Variants in GALNT17 observed in about 807,000 individuals in gnomAD.
GALNT17 encodes the protein UDP-GalNAc:polypeptide N-acetylgalactosaminyltransferase-like 3.
In GALNT17, 29 loss-of-function variants were observed where a neutral mutation model predicts 63.7. The observed-to-expected ratio is 0.46, with a 90% CI of 0.34 to 0.62. GALNT17 has a LOEUF of 0.62. Ranked by LOEUF, GALNT17 falls within the 20% of genes least tolerant of loss-of-function variation. GALNT17 has a pLI of 0.01. For synonymous variants in GALNT17, 305 were observed against 318.3 expected (o/e 0.96, Z 0.45); for missense variants, 603 against 799.6 (o/e 0.75, Z 2.97).
At chr7:71,349,907 G>A (rs1418450081) in intron 2 of GALNT17, among the ~76,000 whole-genome samples, 2 of 152,224 alleles carry the variant, frequency 1.3e-5, no homozygotes, top group Non-Finnish European at 2.9e-5. Flanking sequence ...TCATTGTGAT[G>A]AATGCAGCCC....
At chr7:71,530,390 G>A (rs535928270) in intron 5 of GALNT17, among the ~76,000 whole-genome samples, 28 of 152,232 alleles carry the variant, frequency 1.8e-4, no homozygotes, top group Non-Finnish European at 2.6e-4. Flanking sequence ...TTTAAAGGAC[G>A]AATGTTAGGA....
At chr7:71,321,544 G>A (rs1233284127) in intron 1 of GALNT17, among the ~76,000 whole-genome samples, 1 of 152,210 alleles carries the variant, frequency 6.6e-6, no homozygotes, top group Non-Finnish European at 1.5e-5. Context: ...CAGAGACCCT[G>A]TTCTAGATCT....
At position 71,500,707 on chromosome 7, in the gene GALNT17, C is replaced by A. The variant is rs1788166815; in HGVS notation, c.963-70578C>A. 2.6e-5 allele frequency among the ~76,000 whole-genome samples: 4 copies of A among 152,254 alleles called. No homozygotes were observed. In the South Asian group the frequency reaches 6.2e-4, roughly 24 times the overall value. ...TCTTTCTTCCAGGGCTCTTTCCTTT[C>A]ATCACTTTCCCCTTATCTTTTAGAT... On this transcript the variant is annotated intron_variant, in intron 5 of 10. Transcript: ENST00000333538.
chr7:71,307,068 C>T (rs548333370), intron 1 of GALNT17, among the ~76,000 whole-genome samples: 2 of 152,116 alleles, frequency 1.3e-5, no homozygotes, highest in Non-Finnish European at 2.9e-5. Flanking sequence ...AAGTGATCTG[C>T]CCACCTTGGC....
At position 71,524,278 on chromosome 7, in the gene GALNT17, TATC is replaced by T. The variant is rs1229641639; in HGVS notation, c.963-47004_963-47002del. Among the ~76,000 whole-genome samples the T allele has an allele frequency of 3.6e-3, 529 of 147,470 alleles. 2 individuals carry two copies. Among genetic ancestry groups the T allele is most frequent in the African/African-American group, 0.011 (441 of 40,308 alleles). ...TATTATATTATATATAATTATATAT[TATC>T]ATATTAGTATATTGATATTAACTAT... On this transcript the variant is annotated intron_variant, in intron 5 of 10. Coordinates refer to ENST00000333538, the MANE Select transcript of GALNT17 (RefSeq NM_022479.3).
At chr7:71,229,090 G>T (rs566550797) in intron 1 of GALNT17, among the ~76,000 whole-genome samples, 3 of 152,364 alleles carry the variant, frequency 2.0e-5, no homozygotes, top group African/African-American at 4.8e-5. Context: ...GCAGTATGCG[G>T]AAAGAGTCCT....
At chr7:71,168,676 C>T (rs547176156) in intron 1 of GALNT17, among the ~76,000 whole-genome samples, 1 of 150,366 alleles carries the variant, frequency 6.7e-6, no homozygotes, top group African/African-American at 2.5e-5. Context: ...AGCAAATTAA[C>T]ACATCCATCA....
chr7:71,328,630 C>T (rs1791745727), intron 1 of GALNT17, among the ~76,000 whole-genome samples: 1 of 149,692 alleles, frequency 6.7e-6, no homozygotes, highest in Non-Finnish European at 1.5e-5. Flanking sequence ...GCAAAATAAG[C>T]ACGTTAAAAT....
intron 1 of GALNT17, among the ~76,000 whole-genome samples, chr7:71,215,640 T>G (rs1296499483): frequency 1.3e-5 from 2 of 152,142 alleles, no homozygotes; most frequent in Non-Finnish European, 2.9e-5. Flanking sequence ...TGGAGTATTT[T>G]AAAGCAAATC....
intron 1 of GALNT17, among the ~76,000 whole-genome samples, chr7:71,250,451 T>C (rs1046483435): frequency 3.3e-5 from 5 of 151,662 alleles, no homozygotes; most frequent in Non-Finnish European, 5.9e-5. Context: ...TTTAAATATC[T>C]GTGTTTTTAC....
intron 1 of GALNT17, among the ~76,000 whole-genome samples, chr7:71,325,761 C>T (rs1427284561): frequency 6.6e-6 from 1 of 152,118 alleles, no homozygotes; most frequent in African/African-American, 2.4e-5. Flanking sequence ...CAGAGGATTT[C>T]TGGGTTCTGT....
chr7:71,626,114 C>T (rs1467854510), intron 6 of GALNT17, among the ~76,000 whole-genome samples: 1 of 151,908 alleles, frequency 6.6e-6, no homozygotes, highest in African/African-American at 2.4e-5. Flanking sequence ...TGTGGTGGCA[C>T]GTGCCTGTAG....
At chr7:71,513,210 A>T (rs1265853360) in intron 5 of GALNT17, among the ~76,000 whole-genome samples, 1 of 152,072 alleles carries the variant, frequency 6.6e-6, no homozygotes, top group Non-Finnish European at 1.5e-5. Flanking sequence ...TTTCATTTGC[A>T]GCTCTTTATT....
chr7:71,332,450 T>G (rs893025386), intron 1 of GALNT17, among the ~76,000 whole-genome samples: 1 of 152,176 alleles, frequency 6.6e-6, no homozygotes, highest in African/African-American at 2.4e-5. Context: ...TCTCCCTCTC[T>G]GAGAGCAGAC....
intron 2 of GALNT17, among the ~76,000 whole-genome samples, chr7:71,365,353 T>C (rs954676089): frequency 1.9e-4 from 29 of 152,216 alleles, no homozygotes; most frequent in Non-Finnish European, 3.4e-4. Context: ...AATTCTCCTG[T>C]TTCAGCCTCC....
chr7:71,601,110 C>A (rs1363307557), intron 6 of GALNT17, among the ~76,000 whole-genome samples: 3 of 151,760 alleles, frequency 2.0e-5, no homozygotes, highest in African/African-American at 7.3e-5. Flanking sequence ...TTTATGGCTG[C>A]GTAGTATTCC....
chr7:71,326,554 C>T (rs1198824195), intron 1 of GALNT17, among the ~76,000 whole-genome samples: 1 of 152,182 alleles, frequency 6.6e-6, no homozygotes, highest in African/African-American at 2.4e-5. Context: ...TTCTCTGCCA[C>T]TTATATATGT....
chr7:71,390,249 G>A (rs898449994), intron 3 of GALNT17, among the ~76,000 whole-genome samples: 4 of 152,114 alleles, frequency 2.6e-5, no homozygotes, highest in Non-Finnish European at 5.9e-5. Context: ...GCAATGCCAC[G>A]GGTCCTGTTT....
At chr7:71,245,848 G>GTTTTTTTTT (rs542136452) in intron 1 of GALNT17, among the ~76,000 whole-genome samples, 3 of 122,886 alleles carry the variant, frequency 2.4e-5, no homozygotes, top group East Asian at 2.3e-4. Flanking sequence ...AAGAGAGCAG[G>GTTTTTTTTT]TTTTTTTTTT....
Sources: allele counts gnomAD v4.1 joint callset (sites outside exome capture counted in the v4.1 genomes callset), GRCh38; gene constraint gnomAD v4.1.1; transcripts MANE v1.5; gene names NCBI Gene and HGNC (gene_info 2026-07-23, HGNC 2026-07-21).